Variants in KCNK2 observed in about 807,000 individuals in gnomAD.
KCNK2 encodes the protein potassium two pore domain channel subfamily K member 2, also known as potassium channel subfamily K member 2.
A neutral mutation model predicts 40.5 loss-of-function variants in KCNK2; 21 were observed. The observed-to-expected ratio is 0.52, with a 90% CI of 0.37 to 0.75. KCNK2 has a LOEUF of 0.75. Among genes scored for constraint, KCNK2 ranks in the 30% least tolerant of loss-of-function variants. The pLI, the probability that KCNK2 is intolerant of heterozygous loss-of-function variation, is 0.00. For synonymous variants in KCNK2, 191 were observed against 202.2 expected (o/e 0.94, Z 0.47); for missense variants, 399 against 531.6 (o/e 0.75, Z 2.45).
intron 6 of KCNK2, among the ~76,000 whole-genome samples, chr1:215,204,002 C>A (rs147302957): frequency 0.016 from 1,868 of 119,448 alleles, 23 homozygotes; most frequent in Middle Eastern, 0.032. Flanking sequence ...CGCGCCACTG[C>A]ACTCCAGCCT....
At chr1:215,166,032 A>G (rs1289913105) in intron 3 of KCNK2, among the ~76,000 whole-genome samples, 1 of 152,144 alleles carries the variant, frequency 6.6e-6, no homozygotes, top group East Asian at 1.9e-4. Flanking sequence ...CTTATTGTAA[A>G]CCGTGGAATT....
rs529528399 is a variant in KCNK2 at position 215,163,616 on chromosome 1, T to C, written c.476-5583T>C. 7.9e-5 allele frequency among the ~76,000 whole-genome samples: 12 copies of C among 151,994 alleles called. No individual in the cohort carries two copies. The South Asian group carries it at 2.5e-3, about 32-fold the overall frequency. On this transcript the variant is annotated intron_variant, in intron 3 of 6. Transcript: ENST00000444842. ...ACATCGGTATCCAGTTTATTGAGAG[T>C]TTTTAGCATGAAGGGGAGTTGAATT...
intron 6 of KCNK2, among the ~76,000 whole-genome samples, chr1:215,202,634 G>A (rs1210702800): frequency 6.6e-6 from 1 of 152,098 alleles, no homozygotes; most frequent in Non-Finnish European, 1.5e-5. Context: ...AAGTCAAAAT[G>A]TATACTAAAA....
intron 3 of KCNK2, among the ~76,000 whole-genome samples, chr1:215,132,844 A>G (rs1430290011): frequency 6.6e-6 from 1 of 152,208 alleles, no homozygotes; most frequent in East Asian, 1.9e-4. Context: ...ATAAAGCTGA[A>G]TTACTACATA....
intron 6 of KCNK2, among the ~76,000 whole-genome samples, chr1:215,209,972 T>TATATATATTATATATAATATATA (rs200121273): frequency 7.3e-4 from 44 of 60,642 alleles, no homozygotes; most frequent in African/African-American, 2.8e-3. Context: ...TTATATATAT[T>TATATATATTATATATAATATATA]ATATATATTA....
chr1:215,010,149 T>C (rs548834915), intron 1 of KCNK2, among the ~76,000 whole-genome samples: 33 of 152,196 alleles, frequency 2.2e-4, no homozygotes, highest in Non-Finnish European at 3.7e-4. Context: ...TCTTCCTTGG[T>C]ATGAATAAGA....
chr1:215,075,489 G>C (rs111705552), intron 1 of KCNK2, among the ~76,000 whole-genome samples: 2 of 152,302 alleles, frequency 1.3e-5, no homozygotes, highest in African/African-American at 4.8e-5. Flanking sequence ...TTTACTCCAT[G>C]ATGACGAGGA....
intron 1 of KCNK2, among the ~76,000 whole-genome samples, chr1:215,006,489 G>C (rs563359475): frequency 8.7e-4 from 132 of 152,246 alleles, no homozygotes; most frequent in Middle Eastern, 3.4e-3. Flanking sequence ...TGAGAACTAA[G>C]ACCTAAGTTC....
At chr1:215,232,742 G>A (rs1371598512) in intron 6 of KCNK2, among the ~76,000 whole-genome samples, 1 of 152,184 alleles carries the variant, frequency 6.6e-6, no homozygotes, top group Non-Finnish European at 1.5e-5. Context: ...AAAGTAAAGT[G>A]GTGGCGGGTT....
intron 2 of KCNK2, among the ~76,000 whole-genome samples, chr1:215,092,481 A>G (rs1443725489): frequency 6.6e-6 from 1 of 152,196 alleles, no homozygotes; most frequent in Non-Finnish European, 1.5e-5. Context: ...AATGATAGAC[A>G]TATAGCAGCA....
intron 1 of KCNK2, among the ~76,000 whole-genome samples, chr1:215,046,289 G>GA (rs1216810615): frequency 2.6e-5 from 4 of 151,962 alleles, no homozygotes; most frequent in African/African-American, 2.4e-5. Flanking sequence ...ATATATTTGG[G>GA]AAAAAATCCT....
At chr1:215,221,554 G>A (rs1278900193) in intron 6 of KCNK2, among the ~76,000 whole-genome samples, 1 of 151,960 alleles carries the variant, frequency 6.6e-6, no homozygotes, top group African/African-American at 2.4e-5. Flanking sequence ...TCATAGGAAA[G>A]AGAAAATATA....
chr1:215,125,778 A>G (rs1159864560), intron 3 of KCNK2, among the ~76,000 whole-genome samples: 1 of 78,500 alleles, frequency 1.3e-5, no homozygotes, highest in East Asian at 4.0e-4. Context: ...ATATATATAT[A>G]AAATAAAATT....
chr1:215,208,966 T>G (rs1453453682), intron 6 of KCNK2, among the ~76,000 whole-genome samples: 1 of 151,708 alleles, frequency 6.6e-6, no homozygotes, highest in Non-Finnish European at 1.5e-5. Context: ...TAGCTGGGAT[T>G]ACAGACACCT....
chr1:215,164,368 T>G (rs1354813305), intron 3 of KCNK2, among the ~76,000 whole-genome samples: 1 of 152,166 alleles, frequency 6.6e-6, no homozygotes, highest in Non-Finnish European at 1.5e-5. Flanking sequence ...AACAACCACC[T>G]CCTAGATTCA....
At chr1:215,075,135 G>T (rs920848912) in intron 1 of KCNK2, among the ~76,000 whole-genome samples, 1 of 152,094 alleles carries the variant, frequency 6.6e-6, no homozygotes, top group Non-Finnish European at 1.5e-5. Context: ...AAACTAAAAA[G>T]AAATCATATC....
rs142842331 is a variant in KCNK2, at chr1:215,099,608, A to G, written c.357+12930A>G. Among the ~76,000 whole-genome samples the G allele has an allele frequency of 4.7e-4, 71 of 152,046 alleles. No individual in the cohort carries two copies. In the East Asian group the frequency reaches 0.013, roughly 27 times the overall value. On this transcript the variant is annotated intron_variant, in intron 2 of 6. Coordinates refer to ENST00000444842, the MANE Select transcript of KCNK2 (RefSeq NM_001017425.3). ...TCTTTGGTGATGCGGCAGTGAAGGA[A>G]AGCTTAGGGAAATAAGTGGTACATG...
At chr1:215,212,066 A>G (rs1292572856) in intron 6 of KCNK2, among the ~76,000 whole-genome samples, 2 of 152,120 alleles carry the variant, frequency 1.3e-5, no homozygotes, top group Non-Finnish European at 2.9e-5. Context: ...AATAAAGAAA[A>G]TCTTGAGAAA....
intron 1 of KCNK2, among the ~76,000 whole-genome samples, chr1:215,044,076 C>T (rs1422250953): frequency 6.6e-6 from 1 of 151,902 alleles, no homozygotes; most frequent in African/African-American, 2.4e-5. Context: ...TTTGCTGAGT[C>T]AAAGAAGGAC....
Sources: allele counts gnomAD v4.1 joint callset (sites outside exome capture counted in the v4.1 genomes callset), GRCh38; gene constraint gnomAD v4.1.1; transcripts MANE v1.5; gene names NCBI Gene and HGNC (gene_info 2026-07-23, HGNC 2026-07-21).